CNTNAP2: variants seen among roughly 807,000 people sequenced by gnomAD.
CNTNAP2 encodes contactin-associated protein-like 2.
Under a neutral mutation model 155.2 loss-of-function variants are expected in CNTNAP2, and 98 were observed. The ratio of observed to expected loss-of-function variants is 0.63; its 90% CI spans 0.54 to 0.75. The LOEUF (loss-of-function observed/expected upper bound fraction) is 0.75. Among genes scored for constraint, CNTNAP2 ranks in the 30% least tolerant of loss-of-function variants. The pLI, the probability that CNTNAP2 is intolerant of heterozygous loss-of-function variation, is 0.00. For missense variants in CNTNAP2, 1,727 were observed against 1,688.1 expected (o/e 1.02, Z -0.40); for synonymous variants, 651 against 631.2 (o/e 1.03, Z -0.47).
At chr7:147,542,540 C>T (rs1799660395) in intron 11 of CNTNAP2, among the ~76,000 whole-genome samples, 1 of 152,106 alleles carries the variant, frequency 6.6e-6, no homozygotes. Context: ...GCTTCAGGGC[C>T]TTTTATTTGT....
rs1286219335 is a variant in CNTNAP2 at position 146,179,300 on chromosome 7, T to TA, written c.97+62332dup. On this transcript the variant is annotated intron_variant, in intron 1 of 23. Coordinates refer to ENST00000361727, the MANE Select transcript of CNTNAP2 (RefSeq NM_014141.6). Reference sequence around the variant, plus strand: ...TTAATAACTTGGGACATGGGGTAAATAAAAATAGAACCGTAAGGAATACTT... The same window carrying TA: ...TTAATAACTTGGGACATGGGGTAAATAAAAAATAGAACCGTAAGGAATACTT... 2.6e-5 allele frequency among the ~76,000 whole-genome samples: 4 copies of TA among 151,874 alleles called. 1 individual carries two copies. The highest frequency in any genetic ancestry group is 4.8e-5 in the African/African-American group (2 of 41,368).
intron 15 of CNTNAP2, among the ~76,000 whole-genome samples, chr7:148,031,833 G>A (rs374816625): frequency 1.3e-5 from 2 of 152,238 alleles, no homozygotes; most frequent in East Asian, 3.9e-4. Flanking sequence ...TCGATTTACT[G>A]AGGAGGAGAC....
intron 1 of CNTNAP2, among the ~76,000 whole-genome samples, chr7:146,660,556 T>C (rs1038278791): frequency 2.6e-5 from 4 of 152,364 alleles, no homozygotes; most frequent in East Asian, 1.9e-4. Flanking sequence ...AAATAGCAGA[T>C]GTTTTAATTC....
intron 14 of CNTNAP2, among the ~76,000 whole-genome samples, chr7:147,931,969 TC>T (rs1800513796): frequency 6.6e-6 from 1 of 152,094 alleles, no homozygotes; most frequent in African/African-American, 2.4e-5. Context: ...CACTGCAACC[TC>T]CGCCTCCCGT....
At chr7:147,944,813 C>T (rs760004206) in intron 14 of CNTNAP2, among the ~76,000 whole-genome samples, 1 of 152,154 alleles carries the variant, frequency 6.6e-6, no homozygotes, top group African/African-American at 2.4e-5. Context: ...CCTCCTTTCT[C>T]TCCCCAATGT....
intron 13 of CNTNAP2, among the ~76,000 whole-genome samples, chr7:147,742,304 T>G (rs774892670): frequency 3.9e-5 from 6 of 152,246 alleles, no homozygotes; most frequent in Non-Finnish European, 8.8e-5. Context: ...TGAAAACATT[T>G]GAATGCATGA....
chr7:147,246,982 G>T (rs1804083379), intron 8 of CNTNAP2, among the ~76,000 whole-genome samples: 1 of 152,204 alleles, frequency 6.6e-6, no homozygotes, highest in Non-Finnish European at 1.5e-5. Flanking sequence ...TCACTGAACA[G>T]AGTTGGAAGA....
intron 13 of CNTNAP2, among the ~76,000 whole-genome samples, chr7:147,676,770 T>C (rs186700795): frequency 1.3e-5 from 2 of 152,108 alleles, no homozygotes; most frequent in Admixed American, 1.3e-4. Context: ...TTGTCTTTGT[T>C]CCTTTGGTTG....
intron 13 of CNTNAP2, among the ~76,000 whole-genome samples, chr7:147,696,443 C>T (rs1050882449): frequency 6.6e-6 from 1 of 152,118 alleles, no homozygotes; most frequent in Non-Finnish European, 1.5e-5. Context: ...ACAGGTAGTG[C>T]AAATACTTTA....
chr7:146,389,703 CTT>C (rs750823074), intron 1 of CNTNAP2, among the ~76,000 whole-genome samples: 10 of 128,974 alleles, frequency 7.8e-5, no homozygotes, highest in Admixed American at 7.8e-5. Flanking sequence ...TTTCTTTTTT[CTT>C]TTTTTTTTTT....
chr7:147,916,506 C>G (rs1422167511), intron 14 of CNTNAP2, among the ~76,000 whole-genome samples: 2 of 149,042 alleles, frequency 1.3e-5, no homozygotes, highest in African/African-American at 5.0e-5. Flanking sequence ...AGCCTACCAA[C>G]AAAATGTTAA....
At chr7:146,223,344 A>G (rs977399605) in intron 1 of CNTNAP2, among the ~76,000 whole-genome samples, 2 of 152,198 alleles carry the variant, frequency 1.3e-5, no homozygotes, top group African/African-American at 4.8e-5. Flanking sequence ...ATTTATAAGG[A>G]GGAAAGCTGG....
At chr7:148,171,704 C>G (rs902826738) in intron 17 of CNTNAP2, among the ~76,000 whole-genome samples, 1 of 152,206 alleles carries the variant, frequency 6.6e-6, no homozygotes, top group Non-Finnish European at 1.5e-5. Flanking sequence ...CAGCTTCCAG[C>G]TACCCCAGAC....
chr7:146,614,085 T>G (rs1386274761), intron 1 of CNTNAP2, among the ~76,000 whole-genome samples: 1 of 152,136 alleles, frequency 6.6e-6, no homozygotes, highest in Non-Finnish European at 1.5e-5. Flanking sequence ...ATTATTAAGC[T>G]TTTATTATGA....
At chr7:147,114,568 CCTT>C (rs749671446) in intron 5 of CNTNAP2, among the ~76,000 whole-genome samples, 4 of 151,966 alleles carry the variant, frequency 2.6e-5, no homozygotes, top group Non-Finnish European at 5.9e-5. Flanking sequence ...TAGGTAATGC[CCTT>C]CTTTGTGTTT....
At chr7:146,636,991 C>T (rs966228426) in intron 1 of CNTNAP2, among the ~76,000 whole-genome samples, 1 of 152,146 alleles carries the variant, frequency 6.6e-6, no homozygotes, top group Non-Finnish European at 1.5e-5. Context: ...ATATAAATTG[C>T]GTATCTCTAA....
At chr7:146,418,941 TCTC>T (rs770884118) in intron 1 of CNTNAP2, among the ~76,000 whole-genome samples, 6 of 152,074 alleles carry the variant, frequency 3.9e-5, no homozygotes, top group Admixed American at 6.6e-5. Flanking sequence ...ATAGAAATAT[TCTC>T]CTTCACTGTA....
At position 147,456,388 on chromosome 7, in the gene CNTNAP2, A is replaced by G. The variant is rs559987206; in HGVS notation, c.1671-29547A>G. Among the ~76,000 whole-genome samples, 196 of 152,326 alleles carry G rather than the reference A, an allele frequency of 1.3e-3. 1 individual carries two copies. The highest frequency in any genetic ancestry group is 2.0e-3 in the Non-Finnish European group (133 of 68,008). On this transcript the variant is annotated intron_variant, in intron 10 of 23. Coordinates refer to ENST00000361727, the MANE Select transcript of CNTNAP2 (RefSeq NM_014141.6). The stretch of plus-strand genomic sequence containing the variant: ...GTATATAGAAAGAGAGAATTTAAGA[A>G]GATGGCAAGCATAACTTTAACATAC...
At chr7:146,147,963 C>A (rs942936660) in intron 1 of CNTNAP2, among the ~76,000 whole-genome samples, 1 of 152,102 alleles carries the variant, frequency 6.6e-6, no homozygotes, top group East Asian at 1.9e-4. Context: ...GAATGGTTAC[C>A]TTGAAATCAT....
Sources: gnomAD v4.1 joint callset for allele counts (sites outside exome capture counted in the v4.1 genomes callset) on GRCh38, gnomAD v4.1.1 for gene constraint, MANE v1.5 for transcripts, NCBI Gene and HGNC (gene_info 2026-07-23, HGNC 2026-07-21) for gene names.